Variants in PCLO observed in about 807,000 individuals in gnomAD.
PCLO encodes protein piccolo.
PCLO carries 82 observed loss-of-function variants against 427.5 expected under a neutral mutation model. The observed-to-expected ratio is 0.19, with a 90% CI of 0.16 to 0.23. PCLO has a LOEUF of 0.23. Among genes scored for constraint, PCLO ranks in the 10% least tolerant of loss-of-function variants. PCLO has a pLI of 1.00. For missense variants in PCLO, 6,239 were observed against 6,115.9 expected, an observed-to-expected ratio of 1.02 and a Z score of -0.67; for synonymous variants, 2,357 against 2,155.4, an observed-to-expected ratio of 1.09 and a Z score of -2.59.
At chr7:83,063,155 A>G (rs1013071005) in intron 3 of PCLO, among the ~76,000 whole-genome samples, 5 of 152,108 alleles carry the variant, frequency 3.3e-5, no homozygotes, top group African/African-American at 1.2e-4. Flanking sequence ...TTCTTGGTAT[A>G]AATTCCTTGG....
rs1214764758 is a variant in PCLO, at chr7:82,953,686, G to A, written c.7267C>T (p.Pro2423Ser). 2.5e-6 allele frequency: 3 copies of A among 1,223,952 alleles called. No homozygotes were observed. The highest frequency in any genetic ancestry group is 2.8e-5 in the South Asian group (2 of 72,232). 75.8% of individuals were successfully genotyped at this position (1,223,952 alleles called of 1,614,324 possible). The part of the protein sequence containing the change: ...PPPPPPPPPP[P>S]PPPLPPPTSP... ...GTTGGTGGAGGAAGTGGTGGGGGAG[G>A]AGGGGGTGGTGGTGGAGGAGGAGGA... Residue 2423 changes from proline to serine, a missense_variant, in exon 5 of 25, where the codon CCT becomes TCT. Transcript: ENST00000333891.
At chr7:83,110,431 T>C (rs1562968750) in intron 3 of PCLO, among the ~76,000 whole-genome samples, 1 of 152,098 alleles carries the variant, frequency 6.6e-6, no homozygotes, top group Admixed American at 6.6e-5. Flanking sequence ...GTTTTCAAAA[T>C]GCCCTCTCCT....
intron 3 of PCLO, among the ~76,000 whole-genome samples, chr7:83,117,811 G>A (rs34557421): frequency 0.11 from 16,696 of 152,224 alleles, 1,040 homozygotes; most frequent in African/African-American, 0.16. Flanking sequence ...CTCTGAAACA[G>A]TAACAGGTTA....
rs1562909040 is a variant in PCLO at position 82,999,546 on chromosome 7, TATAATATTATATTAAAATATAAAATATA to T, written c.3301-33087_3301-33060del. On this transcript the variant is annotated intron_variant, in intron 3 of 24. Coordinates refer to ENST00000333891, the MANE Select transcript of PCLO (RefSeq NM_033026.6). ...TATAATATTATATTAAAATATAAAA[TATAATATTATATTAAAATATAAAATATA>T]ATATTATATTAAAATATAAAATATA... 9.9e-4 allele frequency among the ~76,000 whole-genome samples: 67 copies of T among 67,518 alleles called. 19 individuals carry two copies. Among genetic ancestry groups the T allele is most frequent in the Admixed American group, 3.3e-3 (14 of 4,214 alleles). The allele number at this position is 67,518 out of a possible 152,430, so 44.3% of individuals were successfully genotyped here.
chr7:82,882,257 A>T (rs926868122), intron 9 of PCLO, among the ~76,000 whole-genome samples: 5 of 152,216 alleles, frequency 3.3e-5, no homozygotes, highest in Non-Finnish European at 7.3e-5. Context: ...AAAGCAGAAT[A>T]CCAATAGAAT....
intron 8 of PCLO, among the ~76,000 whole-genome samples, chr7:82,904,571 A>G (rs1249898105): frequency 6.6e-6 from 1 of 152,006 alleles, no homozygotes; most frequent in Non-Finnish European, 1.5e-5. Context: ...ATTAGTTAAT[A>G]ATAATTCCAA....
chr7:82,891,801 T>C (rs556688761), intron 9 of PCLO, among the ~76,000 whole-genome samples: 371 of 152,240 alleles, frequency 2.4e-3, no homozygotes, highest in African/African-American at 8.6e-3. Context: ...AATCATGTGG[T>C]TTTTGTCGTT....
chr7:83,072,580 T>C (rs1354732359), intron 3 of PCLO, among the ~76,000 whole-genome samples: 1 of 152,054 alleles, frequency 6.6e-6, no homozygotes, highest in South Asian at 2.1e-4. Flanking sequence ...GACTTTGCCA[T>C]TATCTCTGAG....
In PCLO at chr7:82,757,669, A is replaced by G. The variant is rs1790346877; in HGVS notation, c.*906T>C. Reference sequence around the variant, plus strand: ...TTTATTTGCAGTTTCACAAAGAGTAAGTTATCATGCTTCCTAGAACATATC... The same window carrying G: ...TTTATTTGCAGTTTCACAAAGAGTAGGTTATCATGCTTCCTAGAACATATC... On this transcript the variant is annotated 3_prime_UTR_variant, in exon 25 of 25. Coordinates refer to ENST00000333891, the MANE Select transcript of PCLO (RefSeq NM_033026.6). 1 of 151,928 alleles carries G rather than the reference A, an allele frequency of 6.6e-6. No individual in the cohort carries two copies. The highest frequency in any genetic ancestry group is 2.4e-5 in the African/African-American group (1 of 41,414). 9.4% of individuals were successfully genotyped at this position (151,928 alleles called of 1,614,324 possible).
At chr7:82,823,129 C>G (rs1211224878) in intron 19 of PCLO, among the ~76,000 whole-genome samples, 5 of 151,966 alleles carry the variant, frequency 3.3e-5, no homozygotes, top group Non-Finnish European at 7.4e-5. Flanking sequence ...GTATGGATCA[C>G]GTATTTCCTA....
At chr7:82,837,474 A>C (rs757422050) in intron 15 of PCLO, among the ~76,000 whole-genome samples, 15 of 152,042 alleles carry the variant, frequency 9.9e-5, no homozygotes, top group Non-Finnish European at 2.2e-4. Flanking sequence ...CATCTTGCTA[A>C]TTTGGCTGAT....
At position 82,952,757 on chromosome 7, in the gene PCLO, T is replaced by G. The variant is rs1795389963; in HGVS notation, c.8196A>C (p.Thr2732=). 2.5e-6 allele frequency: 4 copies of G among 1,613,356 alleles called. No individual in the cohort carries two copies. Among genetic ancestry groups the G allele is most frequent in the Non-Finnish European group, 2.5e-6 (3 of 1,179,580 alleles). The change falls in exon 5 of 25, where the codon ACA becomes ACC. Residue 2732 remains threonine (T), a synonymous_variant. Coordinates refer to ENST00000333891, the MANE Select transcript of PCLO (RefSeq NM_033026.6). The part of the protein sequence containing the change: ...QLVGDVIDLR[T]VPKVEVKTTD... The stretch of plus-strand genomic sequence containing the variant: ...TTGTTTTAACTTCTACCTTTGGTAC[T>G]GTACGCAAATCAATTACATCACCAA...
intron 3 of PCLO, among the ~76,000 whole-genome samples, chr7:83,093,868 A>G (rs1790457528): frequency 6.7e-6 from 1 of 148,790 alleles, no homozygotes; most frequent in African/African-American, 2.5e-5. Context: ...TAATTTTGAG[A>G]TAATTGTAAA....
chr7:82,948,057 C>G (rs1795245445), intron 6 of PCLO, among the ~76,000 whole-genome samples: 1 of 152,050 alleles, frequency 6.6e-6, no homozygotes, highest in South Asian at 2.1e-4. Context: ...TCACATAACT[C>G]TTTAAGTGAA....
rs1788848852 is a variant in PCLO at position 83,038,017 on chromosome 7, A to ATATCTT, written c.3301-71531_3301-71530insAAGATA. ...TATATATATATATATATATATATAT[A>ATATCTT]TATATATATATATTTATATATTTAT... On this transcript the variant is annotated intron_variant, in intron 3 of 24. Transcript: ENST00000333891. Among the ~76,000 whole-genome samples the ATATCTT allele has an allele frequency of 1.3e-4, 6 of 44,908 alleles. 1 individual carries two copies. The East Asian group carries it at 5.3e-3, about 40-fold the overall frequency. 29.5% of individuals were successfully genotyped at this position (44,908 alleles called of 152,430 possible).
chr7:82,890,281 T>C (rs554385526), intron 9 of PCLO, among the ~76,000 whole-genome samples: 5 of 152,002 alleles, frequency 3.3e-5, no homozygotes, highest in Non-Finnish European at 5.9e-5. Flanking sequence ...AAGAGAAGCA[T>C]TGCAAAAATT....
At chr7:82,911,631 A>AT (rs1037277998) in intron 7 of PCLO, among the ~76,000 whole-genome samples, 19 of 149,758 alleles carry the variant, frequency 1.3e-4, no homozygotes, top group East Asian at 3.9e-4. Flanking sequence ...GATGAAGCAC[A>AT]TTTTTTTTTT....
intron 22 of PCLO, among the ~76,000 whole-genome samples, chr7:82,784,237 C>T (rs1790936013): frequency 6.6e-6 from 1 of 152,088 alleles, no homozygotes; most frequent in African/African-American, 2.4e-5. Flanking sequence ...TTCAACAAGG[C>T]TTCTATTCTC....
chr7:82,872,797 A>C (rs1417941763), intron 10 of PCLO, among the ~76,000 whole-genome samples: 2 of 152,178 alleles, frequency 1.3e-5, no homozygotes, highest in Non-Finnish European at 2.9e-5. Flanking sequence ...AATTCTACCC[A>C]GTAGTGAAAA....
Sources: gnomAD v4.1 joint callset for allele counts (sites outside exome capture counted in the v4.1 genomes callset) on GRCh38, gnomAD v4.1.1 for gene constraint, MANE v1.5 for transcripts, NCBI Gene and HGNC (gene_info 2026-07-23, HGNC 2026-07-21) for gene names.